The following SERINC5 variants were observed in gnomAD, a reference collection of about 807,000 sequenced individuals.
SERINC5 encodes serine incorporator 5, also known as chromosome 5 open reading frame 12.
A neutral mutation model predicts 63.1 loss-of-function variants in SERINC5; 41 were observed. The observed-to-expected ratio is 0.65, with a 90% confidence interval of 0.51 to 0.84. The LOEUF is 0.84. SERINC5 is among the 40% of genes least tolerant of loss of function. The pLI, the probability that SERINC5 is intolerant of heterozygous loss-of-function variation, is 0.00. For missense variants in SERINC5, 523 were observed against 573.0 expected (o/e 0.91, Z 0.89); for synonymous variants, 222 against 215.2 (o/e 1.03, Z -0.28).
intron 1 of SERINC5, among the ~76,000 whole-genome samples, chr5:80,229,749 C>T (rs1159342146): frequency 1.3e-5 from 2 of 152,134 alleles, no homozygotes; most frequent in African/African-American, 2.4e-5. Context: ...GTGCCTGGTC[C>T]GTAAGTGTTT....
chr5:80,207,013 T>TA (rs1561426644), intron 1 of SERINC5, among the ~76,000 whole-genome samples: 3 of 150,136 alleles, frequency 2.0e-5, no homozygotes, highest in Admixed American at 1.3e-4. Context: ...ATATATATAT[T>TA]TTTTAGACGG....
intron 2 of SERINC5, among the ~76,000 whole-genome samples, chr5:80,195,503 C>G (rs1749447443): frequency 6.6e-6 from 1 of 152,118 alleles, no homozygotes; most frequent in Non-Finnish European, 1.5e-5. Context: ...CGAGCTGCAG[C>G]CTTTTTCCAC....
At chr5:80,125,224 C>A (rs913541253) in intron 11 of SERINC5, among the ~76,000 whole-genome samples, 2 of 152,208 alleles carry the variant, frequency 1.3e-5, no homozygotes, top group African/African-American at 4.8e-5. Flanking sequence ...ACCAAAACCA[C>A]AATCTCTACC....
intron 1 of SERINC5, among the ~76,000 whole-genome samples, chr5:80,241,721 T>TA (rs1233053487): frequency 2.0e-5 from 3 of 150,374 alleles, no homozygotes; most frequent in East Asian, 2.0e-4. Flanking sequence ...TTAATAGGAA[T>TA]AAAAAAAAGA....
intron 5 of SERINC5, 85 bp downstream of exon 5, chr5:80,174,869 C>A: frequency 1.2e-6 from 1 of 841,304 alleles, no homozygotes; most frequent in Non-Finnish European, 1.8e-6. Flanking sequence ...AACTGCAAAT[C>A]CCTAGCAATG....
At chr5:80,214,183 A>G (rs1750560385) in intron 1 of SERINC5, among the ~76,000 whole-genome samples, 2 of 152,236 alleles carry the variant, frequency 1.3e-5, no homozygotes, top group Non-Finnish European at 2.9e-5. Context: ...GAAAATAGTT[A>G]ATATTAATAG....
chr5:80,224,002 G>A (rs113749444), intron 1 of SERINC5, among the ~76,000 whole-genome samples: 16,325 of 151,348 alleles, frequency 0.11, 994 homozygotes, highest in Middle Eastern at 0.14. Context: ...GCGTGGTGGC[G>A]GGCGCCTGTA....
rs569519521 is a variant in SERINC5, at chr5:80,250,854, G to A, written c.27+5042C>T. Among the ~76,000 whole-genome samples the A allele has an allele frequency of 4.6e-5, 7 of 152,158 alleles. No individual in the cohort carries two copies. The South Asian group carries it at 1.0e-3, about 23-fold the overall frequency. The stretch of plus-strand genomic sequence containing the variant: ...TCACTTTCCTGACTCTTGAGCCACC[G>A]CTCACTCCCCTCCTTACTCCCTTAT... On this transcript the variant is annotated intron_variant, in intron 1 of 11. Transcript: ENST00000507668.
In SERINC5 at chr5:80,164,910, G is replaced by GTTTTTTTTTTTTTTTTTTTTTTTTTTT. The variant is rs70982026; in HGVS notation, c.859+1472_859+1473insAAAAAAAAAAAAAAAAAAAAAAAAAAA. ...TGAAATTTAAAATAACTTTTTTTCT[G>GTTTTTTTTTTTTTTTTTTTTTTTTTTT]TTTTTTTTTTTTTTTTTTTTTTGTA... On this transcript the variant is annotated intron_variant, in intron 7 of 11. Transcript: ENST00000507668. 5.9e-5 allele frequency among the ~76,000 whole-genome samples: 5 copies of GTTTTTTTTTTTTTTTTTTTTTTTTTTT among 85,190 alleles called. 1 individual carries two copies. Among genetic ancestry groups the GTTTTTTTTTTTTTTTTTTTTTTTTTTT allele is most frequent in the African/African-American group, 2.4e-4 (5 of 20,446 alleles). The allele number at this position is 85,190 out of a possible 152,430, so 55.9% of individuals were successfully genotyped here.
intron 11 of SERINC5, among the ~76,000 whole-genome samples, chr5:80,130,616 G>A (rs1422488702): frequency 6.6e-6 from 1 of 152,100 alleles, no homozygotes; most frequent in African/African-American, 2.4e-5. Flanking sequence ...TGCCTAGAAG[G>A]ATATCATCCA....
chr5:80,151,363 A>C (rs1174705456), intron 8 of SERINC5, among the ~76,000 whole-genome samples: 2 of 152,272 alleles, frequency 1.3e-5, no homozygotes, highest in Non-Finnish European at 2.9e-5. Flanking sequence ...GCATGAAAGC[A>C]AAAGTCGCAG....
chr5:80,202,997 C>T lies in SERINC5; in HGVS notation c.84G>A (p.Arg28=). 1 of 1,613,228 alleles carries T rather than the reference C, an allele frequency of 6.2e-7. No individual in the cohort carries two copies. Among genetic ancestry groups the T allele is most frequent in the Non-Finnish European group, 8.5e-7 (1 of 1,179,576 alleles). The change falls in exon 2 of 12, where the codon AGG becomes AGA. Residue 28 remains arginine (R), a synonymous_variant. Transcript: ENST00000507668. The part of the protein sequence containing the change: ...GCSLCCDCCP[R]IRQSLSTRFM... ...AGCGGGTGCTGAGGGACTGCCGAAT[C>T]CTGGGGCAGCAATCACAGCAGAGAG...
chr5:80,133,725 TAA>T (rs1452880230), downstream of SERINC5, among the ~76,000 whole-genome samples: 3 of 152,198 alleles, frequency 2.0e-5, no homozygotes, highest in African/African-American at 7.2e-5. Context: ...GGAATTACAA[TAA>T]AGAGTTTAAT....
chr5:80,237,345 C>CTT (rs61277664), intron 1 of SERINC5, among the ~76,000 whole-genome samples: 22,958 of 150,826 alleles, frequency 0.15, 1,895 homozygotes, highest in Admixed American at 0.2. Context: ...CTTTCTCTCT[C>CTT]TTTTTTTTTC....
chr5:80,248,662 C>G (rs1396157571), intron 1 of SERINC5, among the ~76,000 whole-genome samples: 1 of 152,116 alleles, frequency 6.6e-6, no homozygotes, highest in African/African-American at 2.4e-5. Flanking sequence ...CTGCATTGTG[C>G]CCACATCTTT....
At chr5:80,241,989 T>C (rs1751958813) in intron 1 of SERINC5, among the ~76,000 whole-genome samples, 1 of 150,270 alleles carries the variant, frequency 6.7e-6, no homozygotes, top group African/African-American at 2.4e-5. Flanking sequence ...AAAAAATCCA[T>C]GTCAGGTGAT....
At chr5:80,158,290 G>C (rs1213427923) in intron 8 of SERINC5, 9 of 152,758 alleles carry the variant, frequency 5.9e-5, no homozygotes, top group African/African-American at 2.2e-4. Context: ...TTTTGGAGGA[G>C]CTGCTTTGCC....
intron 1 of SERINC5, among the ~76,000 whole-genome samples, chr5:80,248,330 T>C (rs373819668): frequency 3.3e-5 from 5 of 152,264 alleles, no homozygotes; most frequent in Admixed American, 6.5e-5. Flanking sequence ...TCTGCGACAG[T>C]GGATCTGATA....
chr5:80,207,676 T>C (rs1478452112), intron 1 of SERINC5, among the ~76,000 whole-genome samples: 1 of 152,250 alleles, frequency 6.6e-6, no homozygotes, highest in Non-Finnish European at 1.5e-5. Flanking sequence ...AATATACATA[T>C]GTACATATAT....
Sources: gnomAD v4.1 joint callset for allele counts (sites outside exome capture counted in the v4.1 genomes callset) on GRCh38, gnomAD v4.1.1 for gene constraint, MANE v1.5 for transcripts, NCBI Gene and HGNC (gene_info 2026-07-23, HGNC 2026-07-21) for gene names.